The following RAB44 variants were observed in gnomAD, a reference collection of about 807,000 sequenced individuals.
RAB44 encodes RAB44, member RAS oncogene family, also known as ras-related protein Rab-44.
A neutral mutation model predicts 93.3 loss-of-function variants in RAB44; 67 were observed. The observed-to-expected ratio is 0.72, with a 90% CI of 0.59 to 0.88. The LOEUF (loss-of-function observed/expected upper bound fraction) is 0.88, where lower values mean the gene tolerates loss of function less well. Ranked by LOEUF, RAB44 falls within the 40% of genes least tolerant of loss-of-function variation. RAB44 has a pLI of 0.00. For missense variants in RAB44, 1,064 were observed against 1,261.7 expected (o/e 0.84, Z 2.37); for synonymous variants, 427 against 520.3 (o/e 0.82, Z 2.44).
In RAB44 at chr6:36,717,470, A is replaced by G. The variant is rs539798270; in HGVS notation, c.641+51A>G. 1.3e-4 allele frequency: 159 copies of G among 1,231,302 alleles called. 2 individuals are homozygous for G. The South Asian group carries it at 5.2e-3, about 40-fold the overall frequency. 76.3% of individuals were successfully genotyped at this position (1,231,302 alleles called of 1,614,324 possible). On this transcript the variant is annotated intron_variant, in intron 5 of 13. Coordinates refer to ENST00000612677, the MANE Select transcript of RAB44 (RefSeq NM_001257357.2). The surrounding 1 kb of genome is among the most constrained non-coding windows in gnomAD (Gnocchi z 4.1). The stretch of plus-strand genomic sequence containing the variant: ...CTGATACGAAGTAGGTGCTCTTCAC[A>G]TTCCAGTGGAATCTGGTTGAATTTC...
At chr6:36,716,247 A>T (rs866344630) in intron 4 of RAB44, among the ~76,000 whole-genome samples, 1 of 151,966 alleles carries the variant, frequency 6.6e-6, no homozygotes, top group African/African-American at 2.4e-5. Flanking sequence ...AGGCGGGTGG[A>T]TCACCTGAGG....
chr6:36,708,905 T>TTA (rs1360182514), intron 2 of RAB44, among the ~76,000 whole-genome samples: 12 of 131,924 alleles, frequency 9.1e-5, no homozygotes, highest in African/African-American at 4.3e-4. Flanking sequence ...TTCATGAGTT[T>TTA]TTATTATTTC....
intron 11 of RAB44, 53 bp from the exon 12 acceptor site, chr6:36,728,647 C>A: frequency 6.8e-7 from 1 of 1,473,892 alleles, no homozygotes; most frequent in Admixed American, 2.0e-5. Flanking sequence ...GGCAAATGTG[C>A]CAGGAGCCTG....
rs917483435 is a variant in RAB44 at position 36,729,104 on chromosome 6, T to C, written c.2898+303T>C. Among the ~76,000 whole-genome samples the C allele has an allele frequency of 3.3e-5, 5 of 152,148 alleles. No homozygotes were observed. In the South Asian group the frequency reaches 1.0e-3, roughly 32 times the overall value. ...ACCATGTCCCCACCTACATAAGAAA[T>C]AGCTTCAGAGTAAAAAGGTTTTGAA... On this transcript the variant is annotated intron_variant, in intron 12 of 13. Coordinates refer to ENST00000612677, the MANE Select transcript of RAB44 (RefSeq NM_001257357.2).
At chr6:36,722,856 C>G (rs1200013573) in intron 9 of RAB44, 123 bp downstream of exon 9, 2 of 1,113,818 alleles carry the variant, frequency 1.8e-6, no homozygotes, top group Non-Finnish European at 2.5e-6. Context: ...TGGCCACGGG[C>G]CCTGCATTAG....
intron 9 of RAB44, among the ~76,000 whole-genome samples, chr6:36,724,327 C>T (rs1763179917): frequency 6.6e-6 from 1 of 152,022 alleles, no homozygotes; most frequent in Non-Finnish European, 1.5e-5. Context: ...GCCACTTCAC[C>T]TGGCTTATTT....
intron 2 of RAB44, among the ~76,000 whole-genome samples, chr6:36,704,828 G>A (rs1424521738): frequency 1.3e-5 from 2 of 152,132 alleles, no homozygotes; most frequent in Admixed American, 6.6e-5. Flanking sequence ...CCCATAAAGA[G>A]TCTTAGGGTG....
At chr6:36,720,278 G>T (rs1321406127) in intron 7 of RAB44, 85 bp from the exon 8 acceptor site, 2 of 1,122,394 alleles carry the variant, frequency 1.8e-6, no homozygotes, top group Non-Finnish European at 2.3e-6. Context: ...GGGGGTGGGG[G>T]TCTGTGTCCC....
intron 1 of RAB44, among the ~76,000 whole-genome samples, chr6:36,703,176 C>T (rs981944759): frequency 6.6e-6 from 1 of 152,134 alleles, no homozygotes; most frequent in African/African-American, 2.4e-5. Context: ...ACAGGGAGCA[C>T]GAGGGTCTGA....
chr6:36,705,629 T>C (rs1762631246), intron 2 of RAB44, among the ~76,000 whole-genome samples: 1 of 152,134 alleles, frequency 6.6e-6, no homozygotes, highest in Non-Finnish European at 1.5e-5. Flanking sequence ...GTGATCCACC[T>C]GCCTCAGCCT....
chr6:36,730,127 C>T (rs559308293), intron 12 of RAB44, among the ~76,000 whole-genome samples: 1 of 152,242 alleles, frequency 6.6e-6, no homozygotes, highest in South Asian at 2.1e-4. Context: ...TAGGTTGAAA[C>T]ATATGAAATT....
rs33920760 is a variant in RAB44, at chr6:36,732,425, G to GGAT, written c.*333_*334insATG. ...TAAAATTTTAGGGAGAATGTGGGGG[G>GGAT]GGGGTGTTACTTTCCATTTTACACA... On this transcript the variant is annotated 3_prime_UTR_variant, in exon 14 of 14. Coordinates refer to ENST00000612677, the MANE Select transcript of RAB44 (RefSeq NM_001257357.2). 0.012 allele frequency: 1,885 copies of GGAT among 160,810 alleles called. 52 individuals carry two copies. Among genetic ancestry groups the GGAT allele is most frequent in the African/African-American group, 0.043 (1,748 of 41,086 alleles). 10.0% of individuals were successfully genotyped at this position (160,810 alleles called of 1,614,324 possible).
chr6:36,705,402 CCCTCCCTT>C (rs1441904474), intron 2 of RAB44, among the ~76,000 whole-genome samples: 3 of 142,158 alleles, frequency 2.1e-5, no homozygotes, highest in Admixed American at 7.0e-5. Flanking sequence ...CTCCCTCCCT[CCCTCCCTT>C]CCTTCCTTCC....
At chr6:36,716,522 G>A (rs560045679) in intron 4 of RAB44, among the ~76,000 whole-genome samples, 2 of 150,394 alleles carry the variant, frequency 1.3e-5, no homozygotes, top group African/African-American at 2.4e-5. Context: ...GCCTGCTAAC[G>A]TCCCCTCCTA....
chr6:36,727,431 C>A (rs1382709811), intron 10 of RAB44, 146 bp from the exon 11 acceptor site: 2 of 593,012 alleles, frequency 3.4e-6, no homozygotes, highest in Admixed American at 2.8e-5. Context: ...ACCTAGTCAA[C>A]AATAACTACA....
Position 36,717,337 on chromosome 6 carries a change from C to T in RAB44, c.559C>T (p.Leu187=). The part of the protein sequence containing the change: ...RQEEPQLAGN[L]AGFLAKMTSR... ...GGAGGAGCCCCAGCTGGCAGGCAACCTGGCAGGCTTTCTGGCCAAGATGAC... is the reference window on the plus strand; with the variant it reads ...GGAGGAGCCCCAGCTGGCAGGCAACTTGGCAGGCTTTCTGGCCAAGATGAC... The change falls in exon 5 of 14, where the codon CTG becomes TTG. Residue 187 remains leucine (L), a synonymous_variant. Transcript: ENST00000612677. The surrounding 1 kb of genome is among the most constrained non-coding windows in gnomAD (Gnocchi z 4.1). 1 of 1,232,194 alleles carries T rather than the reference C, an allele frequency of 8.1e-7. No individual in the cohort carries two copies. Among genetic ancestry groups the T allele is most frequent in the Non-Finnish European group, 1.0e-6 (1 of 987,998 alleles). The allele number at this position is 1,232,194 out of a possible 1,614,324, so 76.3% of individuals were successfully genotyped here.
chr6:36,714,751 G>A (rs1300708688), intron 3 of RAB44, among the ~76,000 whole-genome samples: 2 of 152,192 alleles, frequency 1.3e-5, no homozygotes, highest in African/African-American at 2.4e-5. Context: ...AATCATGCCC[G>A]CCACGCCAGG....
In RAB44 at chr6:36,721,253, A is replaced by G. The variant is rs236478; in HGVS notation, c.1119A>G (p.Leu373=). 1 of 1,234,168 alleles carries G rather than the reference A, an allele frequency of 8.1e-7. No homozygotes were observed. Among genetic ancestry groups the G allele is most frequent in the African/African-American group, 1.6e-5 (1 of 64,392 alleles). 76.5% of individuals were successfully genotyped at this position (1,234,168 alleles called of 1,614,324 possible). ...LFGDNDDWDQ[L]LSNFGSPPHG... is the part of the protein sequence containing the mutation. ...GGGACAACGATGACTGGGACCAGCT[A>G]CTGAGCAACTTTGGCAGCCCTCCGC... The change falls in exon 9 of 14, where the codon CTA becomes CTG. Residue 373 remains leucine, a synonymous_variant. Coordinates refer to ENST00000612677, the MANE Select transcript of RAB44 (RefSeq NM_001257357.2).
Position 36,722,263 on chromosome 6 carries a change from T to A in RAB44, c.2129T>A (p.Leu710His), listed in dbSNP as rs185206924. ...GGCCTAGAAACTGCGCATTCGGAAC[T>A]CCCCCAGCAAGACTCTCTGCTTGTT... Reference protein sequence around the residue: ...AHGLETAHSELPQQDSLLVSL... With the variant: ...AHGLETAHSEHPQQDSLLVSL... The change falls in exon 9 of 14, where the codon CTC (leucine) becomes CAC (histidine). Residue 710 changes from leucine (L) to histidine (H), a missense_variant. Physicochemically the swap from Leu to His is moderately conservative, Grantham distance 99 (BLOSUM62 -3). Coordinates refer to ENST00000612677, the MANE Select transcript of RAB44 (RefSeq NM_001257357.2). The A allele has an allele frequency of 2.2e-5, 28 of 1,275,434 alleles. 1 individual carries two copies. In the Admixed American group the frequency reaches 1.1e-3, roughly 48 times the overall value. 79.0% of individuals were successfully genotyped at this position (1,275,434 alleles called of 1,614,324 possible).
Sources: allele counts gnomAD v4.1 joint callset (sites outside exome capture counted in the v4.1 genomes callset), GRCh38; gene constraint gnomAD v4.1.1; non-coding constraint Gnocchi (gnomAD v3.1); transcripts MANE v1.5; gene names NCBI Gene and HGNC (gene_info 2026-07-23, HGNC 2026-07-21).